BRAT1: variants seen among roughly 807,000 people sequenced by gnomAD.
The protein encoded by BRAT1 is integrator complex assembly factor BRAT1.
In BRAT1, 74 loss-of-function variants were observed where a neutral mutation model predicts 70.6. That is an observed-to-expected ratio of 1.05 (90% CI 0.87 to 1.27). The LOEUF (loss-of-function observed/expected upper bound fraction) is 1.27. Ranked by LOEUF, BRAT1 falls within the 50% of genes most tolerant of loss-of-function variation. The pLI, the probability that BRAT1 is intolerant of heterozygous loss-of-function variation, is 0.00. For synonymous variants in BRAT1, 615 were observed against 517.1 expected (o/e 1.19, Z -2.57); for missense variants, 1,203 against 1,098.2 (o/e 1.10, Z -1.35).
intron 2 of BRAT1, among the ~76,000 whole-genome samples, chr7:2,549,240 C>T (rs951801457): frequency 1.3e-5 from 2 of 152,182 alleles, no homozygotes; most frequent in Admixed American, 1.3e-4. Context: ...GTCCCAGCAT[C>T]TTGAGAGGCC....
In BRAT1 at chr7:2,537,886, G is replaced by A. The variant is rs1778803535; in HGVS notation, c.*183C>T. 1 of 1,020,856 alleles carries A rather than the reference G, an allele frequency of 9.8e-7. No homozygotes were observed. Among genetic ancestry groups the A allele is most frequent in the Non-Finnish European group, 1.3e-6 (1 of 763,112 alleles). 63.2% of individuals were successfully genotyped at this position (1,020,856 alleles called of 1,614,324 possible). A position where few individuals can be genotyped will look rare whatever the true frequency, so the allele number is the denominator to read the frequency against. Reference sequence around the variant, plus strand: ...ACTTCAATGCCATTTATTTTGAGTAGAAATAAGTCATTTCTTTAATACATC... The same window carrying A: ...ACTTCAATGCCATTTATTTTGAGTAAAAATAAGTCATTTCTTTAATACATC... On this transcript the variant is annotated 3_prime_UTR_variant, in exon 14 of 14. Transcript: ENST00000340611.
At chr7:2,553,147 T>C (rs779850504) in intron 2 of BRAT1, among the ~76,000 whole-genome samples, 1 of 152,024 alleles carries the variant, frequency 6.6e-6, no homozygotes, top group Non-Finnish European at 1.5e-5. Flanking sequence ...ATCCTCCCCC[T>C]CAGTCTCCCA....
In BRAT1 at chr7:2,543,856, T is replaced by C. The variant is rs941043066; in HGVS notation, c.537A>G (p.Gly179=). 5.0e-6 allele frequency: 8 copies of C among 1,612,640 alleles called. No individual in the cohort carries two copies. Among genetic ancestry groups the C allele is most frequent in the Non-Finnish European group, 6.8e-6 (8 of 1,179,932 alleles). ...VHVLALSMRG[G]AEGQPCLPGG... ...CCGGCAGGCAGGGCTGCCCCTCGGCTCCACCTCGCATGGACAAAGCCAGGA... is the reference window on the plus strand; with the variant it reads ...CCGGCAGGCAGGGCTGCCCCTCGGCCCCACCTCGCATGGACAAAGCCAGGA... The change falls in exon 5 of 14, where the codon GGA becomes GGG. Residue 179 remains glycine (G), a synonymous_variant. Coordinates refer to ENST00000340611, the MANE Select transcript of BRAT1 (RefSeq NM_152743.4). This position sits in a 1 kb window ranked among gnomAD's most constrained non-coding sequence, Gnocchi z 5.5.
chr7:2,543,289 A>G lies in BRAT1; in HGVS notation c.838T>C (p.Trp280Arg). Reference sequence around the variant, plus strand: ...CTCAGAGCCCGCGCCACTGTCTCCCACAGGCTGCCGTCGGAAGAACTGAAC... The same window carrying G: ...CTCAGAGCCCGCGCCACTGTCTCCCGCAGGCTGCCGTCGGAAGAACTGAAC... ...PVFSSSDGSLWETVARALSCL... is the reference protein window; with the variant it reads ...PVFSSSDGSLRETVARALSCL... The change falls in exon 6 of 14, where the codon TGG becomes CGG. Residue 280 changes from tryptophan to arginine, a missense_variant. By Grantham distance (101) the Trp-to-Arg change is moderately radical. Coordinates refer to ENST00000340611, the MANE Select transcript of BRAT1 (RefSeq NM_152743.4). The surrounding 1 kb of genome is among the most constrained non-coding windows in gnomAD (Gnocchi z 5.5). 1 of 1,609,350 alleles carries G rather than the reference A, an allele frequency of 6.2e-7. No individual in the cohort carries two copies.
chr7:2,551,324 G>A (rs901284242), intron 2 of BRAT1, among the ~76,000 whole-genome samples: 1 of 148,964 alleles, frequency 6.7e-6, no homozygotes, highest in Non-Finnish European at 1.5e-5. Flanking sequence ...AAAGGATCTG[G>A]TACACCTTAA....
At position 2,543,713 on chromosome 7, in the gene BRAT1, C is replaced by A; in HGVS notation, c.680G>T (p.Arg227Leu). The change falls in exon 5 of 14, where the codon CGC (arginine) becomes CTC (leucine). Residue 227 changes from arginine (R) to leucine (L), a missense_variant. Transcript: ENST00000340611. This position sits in a 1 kb window ranked among gnomAD's most constrained non-coding sequence, Gnocchi z 5.5. ...ALNVLTTTFG[R>L]CQSPWTEALW... is the part of the protein sequence containing the mutation. ...GGCTTCCGTCCAGGGGCTCTGGCAG[C>A]GCCCGAAGGTCGTGGTCAGGACGTT... 1 of 1,580,502 alleles carries A rather than the reference C, an allele frequency of 6.3e-7. No homozygotes were observed. The highest frequency in any genetic ancestry group is 8.6e-7 in the Non-Finnish European group (1 of 1,157,492).
Position 2,543,110 on chromosome 7 carries a change from G to T in BRAT1, c.923+94C>A. The T allele has an allele frequency of 1.4e-6, 2 of 1,431,384 alleles. No homozygotes were observed. The highest frequency in any genetic ancestry group is 1.5e-5 in the African/African-American group (1 of 68,480). The allele number at this position is 1,431,384 out of a possible 1,614,324, so 88.7% of individuals were successfully genotyped here. ...GGCCGCCTGACTGTCCCTGGTGTCC[G>T]GAACTCCCCTGCCATGAGGGCTGCG... On this transcript the variant is annotated intron_variant, in intron 6 of 13. Transcript: ENST00000340611. This position sits in a 1 kb window ranked among gnomAD's most constrained non-coding sequence, Gnocchi z 5.5.
In BRAT1 at chr7:2,541,756, ACAGGAGGCCGGCG is replaced by A. The variant is rs1188555703; in HGVS notation, c.1083_1095del (p.Gly363AlafsTer29). 1.9e-6 allele frequency: 3 copies of A among 1,611,848 alleles called. No homozygotes were observed. The highest frequency in any genetic ancestry group is 1.7e-6 in the Non-Finnish European group (2 of 1,179,658). On this transcript the variant is annotated frameshift_variant, in exon 8 of 14. Transcript: ENST00000340611. LOFTEE classifies it high-confidence loss of function. ...TCCTCCAGGTGAGCCAGGGTGCGGCACAGGAGGCCGGCGCAGGACGACTTGGAGGCCAGGAGTG... is the reference window on the plus strand; with the variant it reads ...TCCTCCAGGTGAGCCAGGGTGCGGCACAGGACGACTTGGAGGCCAGGAGTG...
rs1043294 is a variant in BRAT1, at chr7:2,538,057, C to G, written c.*12G>C. On this transcript the variant is annotated 3_prime_UTR_variant, in exon 14 of 14. Coordinates refer to ENST00000340611, the MANE Select transcript of BRAT1 (RefSeq NM_152743.4). ...CTTGGTCCTGAGCCCCAGTGGCAGACTCTGGTTCTGCTCAGTAGCAGTCGG... is the reference window on the plus strand; with the variant it reads ...CTTGGTCCTGAGCCCCAGTGGCAGAGTCTGGTTCTGCTCAGTAGCAGTCGG... The G allele has an allele frequency of 0.15, 236,165 of 1,539,028 alleles. 20,015 individuals are homozygous for G. Among genetic ancestry groups the G allele is most frequent in the Admixed American group, 0.18 (9,482 of 52,016 alleles).
chr7:2,542,019 A>C (rs984870463), intron 7 of BRAT1, 101 bp downstream of exon 7: 36 of 1,264,460 alleles, frequency 2.8e-5, no homozygotes, highest in Non-Finnish European at 3.9e-5. Flanking sequence ...GGTGTGATTA[A>C]AGTGGGGCGG....
Position 2,554,293 on chromosome 7 carries a change from C to A in BRAT1, c.127+12G>T, listed in dbSNP as rs749355946. 2 of 1,612,840 alleles carry A rather than the reference C, an allele frequency of 1.2e-6. No homozygotes were observed. Among genetic ancestry groups the A allele is most frequent in the East Asian group, 4.5e-5 (2 of 44,854 alleles). On this transcript the variant is annotated intron_variant, in intron 2 of 13. Coordinates refer to ENST00000340611, the MANE Select transcript of BRAT1 (RefSeq NM_152743.4). ...TCTGGATAGGCAGTAAACAGCAGCACCACCTCCTTACCTCCTTCAGTGACC... is the reference window on the plus strand; with the variant it reads ...TCTGGATAGGCAGTAAACAGCAGCAACACCTCCTTACCTCCTTCAGTGACC...
chr7:2,543,664 G>C lies in BRAT1; in HGVS notation c.729C>G (p.Arg243=), dbSNP rs770100854. The C allele has an allele frequency of 2.6e-6, 4 of 1,558,802 alleles. No homozygotes were observed. In the African/African-American group the frequency reaches 5.4e-5, roughly 21 times the overall value. Residue 243 remains arginine, a synonymous_variant, in exon 5 of 14, where the codon CGC becomes CGG. Coordinates refer to ENST00000340611, the MANE Select transcript of BRAT1 (RefSeq NM_152743.4). This position sits in a 1 kb window ranked among gnomAD's most constrained non-coding sequence, Gnocchi z 5.5. ...TEALWVRLSP[R]VACLLERDPI... ...GGTCTCTCTCCAGCAGACAGGCCAC[G>C]CGGGGACTCAGCCGCACCCACAGGG...
intron 2 of BRAT1, among the ~76,000 whole-genome samples, chr7:2,552,640 C>A (rs114268003): frequency 6.6e-6 from 1 of 151,626 alleles, no homozygotes; most frequent in African/African-American, 2.4e-5. Flanking sequence ...TAAAGAATAG[C>A]AGAAATTAAC....
intron 9 of BRAT1, 38 bp from the exon 10 acceptor site, chr7:2,541,090 C>A: frequency 3.3e-6 from 5 of 1,498,386 alleles, no homozygotes; most frequent in South Asian, 2.7e-5. Context: ...CCCCCACCCC[C>A]ACCCTAGGAC....
rs777173605 is a variant in BRAT1, at chr7:2,539,587, G to A, written c.1554C>T (p.Asp518=). 19 of 1,588,326 alleles carry A rather than the reference G, an allele frequency of 1.2e-5. No individual in the cohort carries two copies. Among genetic ancestry groups the A allele is most frequent in the Non-Finnish European group, 1.5e-5 (18 of 1,166,768 alleles). The part of the protein sequence containing the change: ...RLCHPCWEVR[D]SALEFLTQLS... ...GCTGGGTCAGGAACTCGAGGGCGGA[G>A]TCCCTCACCTCCCAGCAGGGGTGGC... The change falls in exon 12 of 14, where the codon GAC becomes GAT. Residue 518 remains aspartate, a synonymous_variant. Transcript: ENST00000340611.
At chr7:2,546,997 C>G (rs56145431) in intron 3 of BRAT1, among the ~76,000 whole-genome samples, 47 of 52,998 alleles carry the variant, frequency 8.9e-4, no homozygotes, top group African/African-American at 4.7e-3. Flanking sequence ...GAGGCCACGG[C>G]GCAGCTGCGA....
chr7:2,538,384 C>G lies in BRAT1; in HGVS notation c.2151G>C (p.Gln717His). Residue 717 changes from glutamine to histidine, a missense_variant, in exon 14 of 14, where the codon CAG becomes CAC. By Grantham distance (24) the Gln-to-His change is conservative. Coordinates refer to ENST00000340611, the MANE Select transcript of BRAT1 (RefSeq NM_152743.4). ...ALFDCDRPVA[Q>H]KSCDLLLFLR... Reference sequence around the variant, plus strand: ...GGAAGAGAAGGAGGTCACAAGACTTCTGCGCCACAGGGCGGTCGCAGTCAA... The same window carrying G: ...GGAAGAGAAGGAGGTCACAAGACTTGTGCGCCACAGGGCGGTCGCAGTCAA... The G allele has an allele frequency of 6.2e-7, 1 of 1,613,574 alleles. No individual in the cohort carries two copies. The highest frequency in any genetic ancestry group is 8.5e-7 in the Non-Finnish European group (1 of 1,179,940).
At chr7:2,551,445 C>T (rs552147839) in intron 2 of BRAT1, among the ~76,000 whole-genome samples, 2 of 151,728 alleles carry the variant, frequency 1.3e-5, no homozygotes, top group Non-Finnish European at 2.9e-5. Flanking sequence ...AATCCCAGCA[C>T]TTTGGGAAGC....
chr7:2,543,727 G>A lies in BRAT1; in HGVS notation c.666C>T (p.Thr222=). The A allele has an allele frequency of 1.9e-6, 3 of 1,594,602 alleles. No homozygotes were observed. Among genetic ancestry groups the A allele is most frequent in the Non-Finnish European group, 2.6e-6 (3 of 1,166,132 alleles). The change falls in exon 5 of 14, where the codon ACC becomes ACT. Residue 222 remains threonine (T), a synonymous_variant. Coordinates refer to ENST00000340611, the MANE Select transcript of BRAT1 (RefSeq NM_152743.4). This position sits in a 1 kb window ranked among gnomAD's most constrained non-coding sequence, Gnocchi z 5.5. ...GGCTCTGGCAGCGCCCGAAGGTCGT[G>A]GTCAGGACGTTCAGGGCCTGAGTGA... ...PKVTQALNVL[T]TTFGRCQSPW... is the part of the protein sequence containing the mutation.
Sources: gnomAD v4.1 joint callset for allele counts (sites outside exome capture counted in the v4.1 genomes callset) on GRCh38, gnomAD v4.1.1 for gene constraint, Gnocchi (gnomAD v3.1) non-coding constraint, MANE v1.5 for transcripts, NCBI Gene and HGNC (gene_info 2026-07-23, HGNC 2026-07-21) for gene names.